Variants in ALG12 observed in about 807,000 individuals in gnomAD.
ALG12 encodes dol-P-Man:Man(7)GlcNAc(2)-PP-Dol alpha-1,6-mannosyltransferase.
ALG12 carries 36 observed loss-of-function variants against 46.0 expected under a neutral mutation model. The observed-to-expected ratio is 0.78, with a 90% CI of 0.60 to 1.03. The LOEUF (loss-of-function observed/expected upper bound fraction) is 1.03, where lower values mean the gene tolerates loss of function less well. Among genes scored for constraint, ALG12 ranks in the 50% least tolerant of loss-of-function variants. The probability of loss-of-function intolerance (pLI) is 0.00; values close to 1 mark genes in which losing one functional copy is unlikely to be tolerated. For synonymous variants in ALG12, 326 were observed against 291.6 expected, an observed-to-expected ratio of 1.12 and a Z score of -1.20; for missense variants, 599 against 633.5, an observed-to-expected ratio of 0.95 and a Z score of 0.58.
At chr22:49,879,643 G>A in the ALG12 span, among the ~76,000 whole-genome samples, 3 of 121,024 alleles carry the variant, frequency 2.5e-5, no homozygotes, top group Non-Finnish European at 3.6e-5. Context: ...GTCTGGGCGT[G>A]TTTCTATTGG....
intron 1 of ALG12, among the ~76,000 whole-genome samples, chr22:49,914,740 A>G (rs979879682): frequency 6.6e-6 from 1 of 152,218 alleles, no homozygotes; most frequent in African/African-American, 2.4e-5. Context: ...AACTACTTTA[A>G]AAATTTTTTT....
Position 49,913,722 on chromosome 22 carries a change from C to A in ALG12, c.44G>T (p.Gly15Val), listed in dbSNP as rs746720032. The change falls in exon 2 of 10, where the codon GGG becomes GTG. Residue 15 changes from glycine (G) to valine (V), a missense_variant. By Grantham distance (109) the Gly-to-Val change is moderately radical. Transcript: ENST00000330817. ...GACAGTGGCTACGGCCACCAGCAGC[C>A]CCAGCAGCAGGGGCCGCCTGCCTGA... ...GSSGRRPLLL[G>V]LLVAVATVHL... 6.2e-7 allele frequency: 1 copy of A among 1,613,734 alleles called. No individual in the cohort carries two copies. Among genetic ancestry groups the A allele is most frequent in the Non-Finnish European group, 8.5e-7 (1 of 1,180,002 alleles).
chr22:49,917,960 G>A (rs1260828914), intron 1 of ALG12, among the ~76,000 whole-genome samples: 2 of 121,926 alleles, frequency 1.6e-5, no homozygotes, highest in African/African-American at 6.8e-5. Context: ...CCCCAGGTGA[G>A]GAGCCCGGCC....
rs763611698 is a variant in ALG12 at position 49,904,406 on chromosome 22, C to G, written c.1093G>C (p.Val365Leu). 2 of 1,614,200 alleles carry G rather than the reference C, an allele frequency of 1.2e-6. No individual in the cohort carries two copies. Among genetic ancestry groups the G allele is most frequent in the Non-Finnish European group, 1.7e-6 (2 of 1,180,032 alleles). Reference sequence around the variant, plus strand: ...CCACCTGGGTAGTTGAAATGGGACACATACAGGGCCGTGGCTGAGTAGGCG... The same window carrying G: ...CCACCTGGGTAGTTGAAATGGGACAGATACAGGGCCGTGGCTGAGTAGGCG... ...NAAYSATALY[V>L]SHFNYPGGVA... is the part of the protein sequence containing the mutation. Residue 365 changes from valine (V) to leucine (L), a missense_variant, in exon 8 of 10, where the codon GTG (valine) becomes CTG (leucine). By Grantham distance (32) the Val-to-Leu change is conservative. Transcript: ENST00000330817.
chr22:49,867,369 G>A, the ALG12 span, among the ~76,000 whole-genome samples: 3 of 152,342 alleles, frequency 2.0e-5, no homozygotes, highest in Non-Finnish European at 2.9e-5. Context: ...GCCAGGCGGC[G>A]GTGGGAGCGG....
chr22:49,863,097 C>T, the ALG12 span, among the ~76,000 whole-genome samples: 10 of 152,288 alleles, frequency 6.6e-5, no homozygotes, highest in African/African-American at 1.2e-4. Context: ...GTGCATCTCA[C>T]GGTCTAGATT....
chr22:49,892,320 G>A, the ALG12 span, among the ~76,000 whole-genome samples: 1 of 151,708 alleles, frequency 6.6e-6, no homozygotes, highest in East Asian at 1.9e-4. Flanking sequence ...ATTTTTTCCT[G>A]TTGGGCCATT....
chr22:49,872,354 G>C, the ALG12 span, among the ~76,000 whole-genome samples: 3 of 152,116 alleles, frequency 2.0e-5, no homozygotes, highest in Non-Finnish European at 4.4e-5. Flanking sequence ...CAATTCCGCC[G>C]TATCTTTGGG....
the ALG12 span, among the ~76,000 whole-genome samples, chr22:49,877,624 A>G: frequency 6.6e-6 from 1 of 152,174 alleles, no homozygotes; most frequent in Non-Finnish European, 1.5e-5. Flanking sequence ...TATAATTGAT[A>G]TACAATAAAC....
chr22:49,867,371 T>C, the ALG12 span, among the ~76,000 whole-genome samples: 7 of 152,174 alleles, frequency 4.6e-5, no homozygotes, highest in African/African-American at 1.7e-4. Flanking sequence ...CAGGCGGCGG[T>C]GGGAGCGGCG....
chr22:49,878,220 G>A, the ALG12 span, among the ~76,000 whole-genome samples: 184 of 148,148 alleles, frequency 1.2e-3, no homozygotes, highest in African/African-American at 4.2e-3. Context: ...CAGGAGAATC[G>A]TTTGAACCCG....
At chr22:49,869,950 C>T in the ALG12 span, among the ~76,000 whole-genome samples, 1 of 152,168 alleles carries the variant, frequency 6.6e-6, no homozygotes, top group African/African-American at 2.4e-5. Flanking sequence ...GTTTTTCAGT[C>T]TTGTCCCCTC....
chr22:49,911,941 C>T (rs1007998130), intron 3 of ALG12, among the ~76,000 whole-genome samples: 3 of 152,240 alleles, frequency 2.0e-5, no homozygotes, highest in African/African-American at 2.4e-5. Flanking sequence ...ATCTCAACCC[C>T]GTGCCCAACA....
At position 49,901,894 on chromosome 22, in the gene ALG12, CTGTG is replaced by C. The variant is rs753580228; in HGVS notation, c.*1940_*1943del. 5.0e-5 allele frequency: 6 copies of C among 119,100 alleles called. No individual in the cohort carries two copies. Among genetic ancestry groups the C allele is most frequent in the Admixed American group, 1.7e-4 (2 of 11,556 alleles). 7.4% of individuals were successfully genotyped at this position (119,100 alleles called of 1,614,324 possible). On this transcript the variant is annotated 3_prime_UTR_variant, in exon 10 of 10. Coordinates refer to ENST00000330817, the MANE Select transcript of ALG12 (RefSeq NM_024105.4). ...TATTCATGGTGTGTGCACGTGTGCACTGTGTGTATGCATGGTAATGTGCACGCAT... is the reference window on the plus strand; with the variant it reads ...TATTCATGGTGTGTGCACGTGTGCACTGTATGCATGGTAATGTGCACGCAT...
intron 1 of ALG12, among the ~76,000 whole-genome samples, chr22:49,916,323 C>G (rs1369201399): frequency 6.6e-6 from 1 of 151,902 alleles, no homozygotes; most frequent in Non-Finnish European, 1.5e-5. Context: ...TGGCTCATGC[C>G]TGTAATCCCA....
At chr22:49,863,004 C>G in the ALG12 span, among the ~76,000 whole-genome samples, 3 of 152,016 alleles carry the variant, frequency 2.0e-5, no homozygotes, top group Non-Finnish European at 4.4e-5. Context: ...ACCCGGCCAG[C>G]CTTTCAGTCT....
the ALG12 span, among the ~76,000 whole-genome samples, chr22:49,893,474 A>AT: frequency 3.9e-5 from 6 of 152,212 alleles, no homozygotes; most frequent in South Asian, 2.1e-4. Flanking sequence ...TGACTCTCTA[A>AT]AACAAATAGT....
At chr22:49,885,377 C>G in the ALG12 span, 4 of 1,594,924 alleles carry the variant, frequency 2.5e-6, no homozygotes, top group Non-Finnish European at 1.7e-6. Context: ...ATTTGCTCCG[C>G]AGACTCCACA....
rs911507981 is a variant in ALG12, at chr22:49,903,222, G to A, written c.*616C>T. On this transcript the variant is annotated 3_prime_UTR_variant, in exon 10 of 10. Coordinates refer to ENST00000330817, the MANE Select transcript of ALG12 (RefSeq NM_024105.4). ...CTCATTATTTTCTGTAATCTTGAGA[G>A]GTTCCAATCAACATTTATTGCCTTA... The A allele has an allele frequency of 1.7e-5, 7 of 405,934 alleles. 1 individual carries two copies. Among genetic ancestry groups the A allele is most frequent in the African/African-American group, 8.4e-5 (4 of 47,838 alleles). 25.1% of individuals were successfully genotyped at this position (405,934 alleles called of 1,614,324 possible).
Sources: gnomAD v4.1 joint callset for allele counts (sites outside exome capture counted in the v4.1 genomes callset) on GRCh38, gnomAD v4.1.1 for gene constraint, MANE v1.5 for transcripts, NCBI Gene and HGNC (gene_info 2026-07-23, HGNC 2026-07-21) for gene names.